The following ENTREP2 variants were observed in gnomAD, a reference collection of about 807,000 sequenced individuals.
ENTREP2 encodes the protein protein ENTREP2.
the ENTREP2 span, among the ~76,000 whole-genome samples, chr15:29,291,076 GCCTCCCCCATC>G: frequency 6.6e-6 from 1 of 152,234 alleles, no homozygotes; most frequent in Non-Finnish European, 1.5e-5. Flanking sequence ...ACCATCAGGT[GCCTCCCCCATC>G]CCTTTCTTCC....
chr15:29,158,036 G>A, the ENTREP2 span, among the ~76,000 whole-genome samples: 1 of 152,200 alleles, frequency 6.6e-6, no homozygotes, highest in Non-Finnish European at 1.5e-5. Context: ...ATCTCTTAAT[G>A]TACCATTGCT....
chr15:29,480,209 T>A, the ENTREP2 span, among the ~76,000 whole-genome samples: 1 of 152,038 alleles, frequency 6.6e-6, no homozygotes, highest in African/African-American at 2.4e-5. Context: ...TTTAATAACA[T>A]GTCTGAATAT....
At chr15:29,623,717 G>A in the ENTREP2 span, among the ~76,000 whole-genome samples, 5 of 152,106 alleles carry the variant, frequency 3.3e-5, no homozygotes, top group African/African-American at 9.7e-5. Context: ...TCAGATAATA[G>A]GAGAAAAAAA....
the ENTREP2 span, among the ~76,000 whole-genome samples, chr15:29,416,804 G>A: frequency 2.6e-5 from 4 of 152,016 alleles, no homozygotes; most frequent in Admixed American, 6.6e-5. Flanking sequence ...TTTACAAGAA[G>A]AAAACAAACA....
the ENTREP2 span, among the ~76,000 whole-genome samples, chr15:29,343,239 C>T: frequency 1.3e-5 from 2 of 152,120 alleles, no homozygotes; most frequent in Non-Finnish European, 2.9e-5. Context: ...TTTGGTTAAA[C>T]ACTAGTCTAG....
chr15:29,565,121 A>C, the ENTREP2 span, among the ~76,000 whole-genome samples: 2 of 152,202 alleles, frequency 1.3e-5, no homozygotes, highest in South Asian at 4.1e-4. Flanking sequence ...ATCAAAAATT[A>C]AGCAAAATGA....
At chr15:29,450,227 T>C in the ENTREP2 span, among the ~76,000 whole-genome samples, 1 of 152,202 alleles carries the variant, frequency 6.6e-6, no homozygotes, top group Admixed American at 6.5e-5. Flanking sequence ...TAGTTTCTTT[T>C]CTGTGCAGAA....
the ENTREP2 span, among the ~76,000 whole-genome samples, chr15:29,558,432 C>A: frequency 2.1e-3 from 321 of 151,788 alleles, 1 homozygote; most frequent in African/African-American, 7.2e-3. Context: ...AGCTGGCCCG[C>A]AGCACCCAGG....
At chr15:29,647,710 A>G in the ENTREP2 span, among the ~76,000 whole-genome samples, 1 of 152,122 alleles carries the variant, frequency 6.6e-6, no homozygotes, top group Admixed American at 6.6e-5. Flanking sequence ...AAAGGGTACA[A>G]TTTCATTCAA....
At chr15:29,401,543 T>C in the ENTREP2 span, among the ~76,000 whole-genome samples, 8 of 152,234 alleles carry the variant, frequency 5.3e-5, no homozygotes, top group Non-Finnish European at 1.0e-4. Flanking sequence ...AAGTTCCTCT[T>C]AAACATTTCT....
the ENTREP2 span, chr15:29,151,766 T>C: frequency 6.4e-7 from 1 of 1,551,734 alleles, no homozygotes; most frequent in South Asian, 1.2e-5. Flanking sequence ...ACCATCTGCA[T>C]ACAGCACATG....
At chr15:29,457,048 G>A in the ENTREP2 span, among the ~76,000 whole-genome samples, 1 of 152,196 alleles carries the variant, frequency 6.6e-6, no homozygotes, top group Non-Finnish European at 1.5e-5. Context: ...ACAGGGCCCC[G>A]TGTTCTTGAC....
the ENTREP2 span, among the ~76,000 whole-genome samples, chr15:29,614,630 A>C: frequency 6.6e-6 from 1 of 152,158 alleles, no homozygotes; most frequent in Non-Finnish European, 1.5e-5. Flanking sequence ...TGTTTTCAAA[A>C]TAATTCTCCA....
At chr15:29,527,706 T>C in the ENTREP2 span, among the ~76,000 whole-genome samples, 1 of 152,104 alleles carries the variant, frequency 6.6e-6, no homozygotes, top group Non-Finnish European at 1.5e-5. Flanking sequence ...GAGAAGCTTA[T>C]AGAAGCTGGA....
chr15:29,465,804 A>G, the ENTREP2 span, among the ~76,000 whole-genome samples: 1 of 152,238 alleles, frequency 6.6e-6, no homozygotes, highest in East Asian at 1.9e-4. Flanking sequence ...ATTGCCTAAC[A>G]CTAACATTTA....
At chr15:29,393,194 G>A in the ENTREP2 span, among the ~76,000 whole-genome samples, 76 of 152,270 alleles carry the variant, frequency 5.0e-4, no homozygotes, top group African/African-American at 1.5e-3. Flanking sequence ...ATGCTTGAGC[G>A]CTTGGAAGTG....
At chr15:29,491,181 C>T in the ENTREP2 span, among the ~76,000 whole-genome samples, 1 of 152,208 alleles carries the variant, frequency 6.6e-6, no homozygotes, top group African/African-American at 2.4e-5. Flanking sequence ...TGTGGGGCCG[C>T]TGCCTGCACC....
the ENTREP2 span, among the ~76,000 whole-genome samples, chr15:29,191,484 C>T: frequency 9.6e-3 from 1,456 of 151,972 alleles, 27 homozygotes; most frequent in African/African-American, 0.033. Context: ...GGGATAAAAA[C>T]GAAGACACAA....
chr15:29,523,868 C>T, the ENTREP2 span, among the ~76,000 whole-genome samples: 2 of 151,862 alleles, frequency 1.3e-5, no homozygotes, highest in African/African-American at 4.8e-5. Context: ...TGTCTCATAT[C>T]ATATACAAAA....
Sources: gnomAD v4.1 joint callset for allele counts (sites outside exome capture counted in the v4.1 genomes callset) on GRCh38, gnomAD v4.1.1 for gene constraint, MANE v1.5 for transcripts, NCBI Gene and HGNC (gene_info 2026-07-23, HGNC 2026-07-21) for gene names.